PCDHGA3: variants seen among roughly 807,000 people sequenced by gnomAD.
PCDHGA3 encodes protocadherin gamma subfamily A, 3.
PCDHGA3 carries 40 observed loss-of-function variants against 58.5 expected under a neutral mutation model. The observed-to-expected ratio is 0.68, with a 90% CI of 0.53 to 0.89. The LOEUF is 0.89. PCDHGA3 is among the 40% of genes least tolerant of loss of function. PCDHGA3 has a pLI of 0.00. For missense variants in PCDHGA3, 1,223 were observed against 1,195.9 expected, an observed-to-expected ratio of 1.02 and a Z score of -0.33; for synonymous variants, 530 against 525.7, an observed-to-expected ratio of 1.01 and a Z score of -0.11.
rs2154591169 is a variant in PCDHGA3 at position 141,493,606 on chromosome 5, T to A, written c.2425-1201T>A. Among the ~76,000 whole-genome samples, 1 of 152,278 alleles carries A rather than the reference T, an allele frequency of 6.6e-6. No homozygotes were observed. Among genetic ancestry groups the A allele is most frequent in the Non-Finnish European group, 1.5e-5 (1 of 68,022 alleles). ...ACAATCACTGCATTTCCATGTAGAT[T>A]CTGCTGTGTCTAAGAATACAGTGGC... On this transcript the variant is annotated intron_variant, in intron 1 of 3. Transcript: ENST00000253812. This position sits in a 1 kb window ranked among gnomAD's most constrained non-coding sequence, Gnocchi z 4.3.
chr5:141,491,901 G>C lies in PCDHGA3; in HGVS notation c.2425-2906G>C, dbSNP rs1196717010. 1 of 1,429,696 alleles carries C rather than the reference G, an allele frequency of 7.0e-7. No homozygotes were observed. The highest frequency in any genetic ancestry group is 9.3e-7 in the Non-Finnish European group (1 of 1,080,148). 88.6% of individuals were successfully genotyped at this position (1,429,696 alleles called of 1,614,324 possible). ...AAGGGATGGGGCTCCGAGCACCGGG[G>C]GTGGTGGCGACTGTGGGCGAGGGGA... On this transcript the variant is annotated intron_variant, in intron 1 of 3. Transcript: ENST00000253812. The surrounding 1 kb of genome is among the most constrained non-coding windows in gnomAD (Gnocchi z 6.9).
At chr5:141,348,479 T>C (rs753878547) in intron 1 of PCDHGA3, among the ~76,000 whole-genome samples, 39 of 152,170 alleles carry the variant, frequency 2.6e-4, no homozygotes, top group Non-Finnish European at 3.7e-4. Context: ...TCACTTTCCC[T>C]GTAAGGAGAA....
chr5:141,366,266 G>C (rs1014933070), intron 1 of PCDHGA3: 8 of 1,613,680 alleles, frequency 5.0e-6, no homozygotes, highest in Non-Finnish European at 6.8e-6. Flanking sequence ...CGTGGTGGCC[G>C]TCGAAGACCA....
At position 141,356,713 on chromosome 5, in the gene PCDHGA3, G is replaced by A. The variant is rs746566965; in HGVS notation, c.2424+10256G>A. On this transcript the variant is annotated intron_variant, in intron 1 of 3. Transcript: ENST00000253812. ...CCAGGGTGCACCTCTGTCCTCCTAT[G>A]TCTCCATCAACTCCAATACAGGGAT... 3 of 1,613,846 alleles carry A rather than the reference G, an allele frequency of 1.9e-6. No individual in the cohort carries two copies. The African/African-American group carries it at 4.0e-5, about 22-fold the overall frequency.
Position 141,511,350 on chromosome 5 carries a change from C to T in PCDHGA3, c.*177C>T, listed in dbSNP as rs1303365585. Reference sequence around the variant, plus strand: ...CCCAGTCAGCACCTACCCCTTCCCCCCCAGGGGGTTGAATATGCAAAAGCA... The same window carrying T: ...CCCAGTCAGCACCTACCCCTTCCCCTCCAGGGGGTTGAATATGCAAAAGCA... On this transcript the variant is annotated 3_prime_UTR_variant, in exon 4 of 4. Transcript: ENST00000253812. The T allele has an allele frequency of 6.4e-6, 9 of 1,397,076 alleles. No homozygotes were observed. Among genetic ancestry groups the T allele is most frequent in the Non-Finnish European group, 8.6e-6 (9 of 1,050,666 alleles). 86.5% of individuals were successfully genotyped at this position (1,397,076 alleles called of 1,614,324 possible).
At chr5:141,478,488 G>A in intron 1 of PCDHGA3, 1 of 1,613,320 alleles carries the variant, frequency 6.2e-7, no homozygotes, top group Non-Finnish European at 8.5e-7. Context: ...ACGCTGCGGA[G>A]CTGTGATCCG....
rs1387677265 is a variant in PCDHGA3 at position 141,486,434 on chromosome 5, T to C, written c.2425-8373T>C. 3 of 1,614,150 alleles carry C rather than the reference T, an allele frequency of 1.9e-6. No homozygotes were observed. The highest frequency in any genetic ancestry group is 2.5e-6 in the Non-Finnish European group (3 of 1,179,986). The stretch of plus-strand genomic sequence containing the variant: ...CTTGGATCGAGAGGCCAAATCTAGC[T>C]ATGACATCATGGTCACTGCTTCTGA... On this transcript the variant is annotated intron_variant, in intron 1 of 3. Coordinates refer to ENST00000253812, the MANE Select transcript of PCDHGA3 (RefSeq NM_018916.4). This position sits in a 1 kb window ranked among gnomAD's most constrained non-coding sequence, Gnocchi z 5.0.
chr5:141,403,773 A>T, intron 1 of PCDHGA3: 1 of 1,613,956 alleles, frequency 6.2e-7, no homozygotes, highest in South Asian at 1.1e-5. Context: ...GAGGGAATCA[A>T]CGGAAAAGTG....
chr5:141,382,939 T>C (rs765145573), intron 1 of PCDHGA3: 3 of 1,594,910 alleles, frequency 1.9e-6, no homozygotes, highest in South Asian at 2.2e-5. Context: ...CAGAGGATTC[T>C]TCCTGCTCTC....
intron 1 of PCDHGA3, chr5:141,372,300 GAGGCCGCCCGCC>G (rs769286346): frequency 1.2e-6 from 2 of 1,613,366 alleles, no homozygotes; most frequent in Non-Finnish European, 1.7e-6. Flanking sequence ...GGGCGACAGG[GAGGCCGCCCGCC>G]AGCGCCTGCT....
At chr5:141,371,757 G>A in intron 1 of PCDHGA3, 1 of 1,614,002 alleles carries the variant, frequency 6.2e-7, no homozygotes, top group East Asian at 2.2e-5. Flanking sequence ...TTTCCACCAG[G>A]CCTCCTACAC....
At chr5:141,462,387 A>G (rs781355919) in intron 1 of PCDHGA3, among the ~76,000 whole-genome samples, 13 of 152,178 alleles carry the variant, frequency 8.5e-5, no homozygotes, top group Non-Finnish European at 1.3e-4. Context: ...AAATTCGTTA[A>G]CATTTCTTTT....
intron 1 of PCDHGA3, chr5:141,371,091 G>A (rs1414973980): frequency 8.7e-6 from 14 of 1,613,670 alleles, no homozygotes; most frequent in Non-Finnish European, 1.1e-5. Context: ...GGTAATTGTC[G>A]CAGATGCAAA....
intron 1 of PCDHGA3, among the ~76,000 whole-genome samples, chr5:141,353,478 T>A (rs1227837320): frequency 6.6e-6 from 1 of 152,236 alleles, no homozygotes; most frequent in Admixed American, 6.5e-5. Context: ...TTATTAAGAC[T>A]CTTAACACTT....
rs2099641707 is a variant in PCDHGA3 at position 141,487,238 on chromosome 5, C to T, written c.2425-7569C>T. 1.2e-6 allele frequency: 2 copies of T among 1,614,056 alleles called. No individual in the cohort carries two copies. The highest frequency in any genetic ancestry group is 1.7e-6 in the Non-Finnish European group (2 of 1,180,022). On this transcript the variant is annotated intron_variant, in intron 1 of 3. Transcript: ENST00000253812. This position sits in a 1 kb window ranked among gnomAD's most constrained non-coding sequence, Gnocchi z 5.0. ...AGCTCCAAGGGAAGGAGAATCTCGT[C>T]TAACCCTCTACTTGGCTGTGTCCCT...
Position 141,511,843 on chromosome 5 carries a change from GT to G in PCDHGA3, c.*674del, listed in dbSNP as rs1413398495. On this transcript the variant is annotated 3_prime_UTR_variant, in exon 4 of 4. Coordinates refer to ENST00000253812, the MANE Select transcript of PCDHGA3 (RefSeq NM_018916.4). ...CCAACGCCCTGGGGACCAGTCTTCT[GT>G]TTTGTTTTTCATTGTTTGACGTTTC... 1 of 156,550 alleles carries G rather than the reference GT, an allele frequency of 6.4e-6. No individual in the cohort carries two copies. The highest frequency in any genetic ancestry group is 2.4e-5 in the African/African-American group (1 of 41,452). The allele number at this position is 156,550 out of a possible 1,614,324, so 9.7% of individuals were successfully genotyped here. A position where few individuals can be genotyped will look rare whatever the true frequency, so the allele number is the denominator to read the frequency against.
chr5:141,346,990 TTTTC>T (rs1757838072), intron 1 of PCDHGA3, among the ~76,000 whole-genome samples: 1 of 151,994 alleles, frequency 6.6e-6, no homozygotes, highest in South Asian at 2.1e-4. Context: ...GACACTCTTT[TTTTC>T]TTTCTCCTTC....
intron 1 of PCDHGA3, among the ~76,000 whole-genome samples, chr5:141,368,930 A>G (rs182609850): frequency 1.4e-4 from 22 of 152,346 alleles, no homozygotes; most frequent in Middle Eastern, 3.4e-3. Flanking sequence ...GTGTCTGTCT[A>G]GAATTCTGGT....
intron 1 of PCDHGA3, chr5:141,426,745 A>G (rs866203428): frequency 6.2e-5 from 28 of 454,130 alleles, no homozygotes; most frequent in Middle Eastern, 6.5e-4. Context: ...TTTGGCCTGG[A>G]ATCTGCTATA....
Sources: gnomAD v4.1 joint callset for allele counts (sites outside exome capture counted in the v4.1 genomes callset) on GRCh38, gnomAD v4.1.1 for gene constraint, Gnocchi (gnomAD v3.1) non-coding constraint, MANE v1.5 for transcripts, NCBI Gene and HGNC (gene_info 2026-07-23, HGNC 2026-07-21) for gene names.